XKR9: variants seen among roughly 807,000 people sequenced by gnomAD.
XKR9 encodes XK-related protein 9.
Under a neutral mutation model 32.0 loss-of-function variants are expected in XKR9, and 32 were observed. That is an observed-to-expected ratio of 1.00 (90% CI 0.76 to 1.34). The LOEUF is 1.34. Among genes scored for constraint, XKR9 ranks in the 40% most tolerant of loss-of-function variants. The probability of loss-of-function intolerance (pLI) is 0.00; values close to 1 mark genes in which losing one functional copy is unlikely to be tolerated. For missense variants in XKR9, 546 were observed against 429.7 expected (o/e 1.27, Z -2.39); for synonymous variants, 168 against 143.4 (o/e 1.17, Z -1.22).
At chr8:70,766,999 C>T (rs1286957772) in intron 2 of XKR9, among the ~76,000 whole-genome samples, 2 of 152,168 alleles carry the variant, frequency 1.3e-5, no homozygotes, top group Non-Finnish European at 2.9e-5. Context: ...TACAATTTGC[C>T]ACTATTTTAT....
the XKR9 span, among the ~76,000 whole-genome samples, chr8:70,807,346 C>G: frequency 6.6e-6 from 1 of 152,152 alleles, no homozygotes; most frequent in African/African-American, 2.4e-5. Flanking sequence ...TATGAAGAAA[C>G]TGCACCAACA....
chr8:70,729,318 A>T (rs1806583625), intron 4 of XKR9, among the ~76,000 whole-genome samples: 1 of 152,240 alleles, frequency 6.6e-6, no homozygotes, highest in African/African-American at 2.4e-5. Flanking sequence ...AAAGCTATAA[A>T]TATCTCAAAA....
At chr8:71,014,338 C>A in the XKR9 span, among the ~76,000 whole-genome samples, 1 of 152,196 alleles carries the variant, frequency 6.6e-6, no homozygotes, top group Non-Finnish European at 1.5e-5. Flanking sequence ...ACAGAGTGTT[C>A]TCTCACAGTT....
chr8:70,704,547 A>T (rs576736965), intron 3 of XKR9, among the ~76,000 whole-genome samples: 6 of 152,320 alleles, frequency 3.9e-5, no homozygotes, highest in Admixed American at 3.9e-4. Context: ...AAACCAAAGC[A>T]CAGAGAGATT....
the XKR9 span, among the ~76,000 whole-genome samples, chr8:70,937,202 G>C: frequency 6.6e-6 from 1 of 151,926 alleles, no homozygotes; most frequent in Admixed American, 6.6e-5. Context: ...GATAAAACCT[G>C]TTTTTAAGTT....
chr8:71,051,563 A>C, the XKR9 span, among the ~76,000 whole-genome samples: 2 of 151,826 alleles, frequency 1.3e-5, no homozygotes, highest in Admixed American at 1.3e-4. Flanking sequence ...GTAAGTGAGC[A>C]AAAGTTGAGC....
chr8:70,773,013 GTTTA>G lies in XKR9; in HGVS notation n.353-16320_353-16317del, dbSNP rs1168876176. ...AGGTCATGAAAATATTAAATTAAAA[GTTTA>G]TTTATACATGTAATGTAGATGTATA... On this transcript the variant is annotated intron_variant and non_coding_transcript_variant, in intron 2 of 3. Coordinates refer to the XKR9 transcript ENST00000520273. Among the ~76,000 whole-genome samples, 6 of 152,220 alleles carry G rather than the reference GTTTA, an allele frequency of 3.9e-5. No homozygotes were observed. In the East Asian group the frequency reaches 5.8e-4, roughly 15 times the overall value.
the XKR9 span, among the ~76,000 whole-genome samples, chr8:70,894,132 T>C: frequency 6.6e-6 from 1 of 151,982 alleles, no homozygotes; most frequent in Non-Finnish European, 1.5e-5. Flanking sequence ...TTCAGGAACC[T>C]GAGCCAATAG....
intron 2 of XKR9, among the ~76,000 whole-genome samples, chr8:70,754,868 C>A (rs1467946016): frequency 6.6e-6 from 1 of 152,072 alleles, no homozygotes; most frequent in Admixed American, 6.5e-5. Context: ...GACTTCCTGT[C>A]TAAAACACCA....
chr8:70,828,362 G>A, the XKR9 span, among the ~76,000 whole-genome samples: 2 of 152,328 alleles, frequency 1.3e-5, no homozygotes, highest in South Asian at 2.1e-4. Context: ...CCGTGGGCAT[G>A]GAGAATGGGA....
chr8:70,789,375 TG>T (rs1260136575), exon 3 of XKR9: 5 of 152,090 alleles, frequency 3.3e-5, no homozygotes, highest in African/African-American at 1.2e-4. Flanking sequence ...TATGCAAGGC[TG>T]GATTCAACTT....
chr8:71,052,459 A>C, the XKR9 span, among the ~76,000 whole-genome samples: 1 of 152,102 alleles, frequency 6.6e-6, no homozygotes, highest in Admixed American at 6.6e-5. Context: ...ATTACTCTTC[A>C]CAGCACCCCC....
chr8:70,669,830 C>G (rs532868355), intron 1 of XKR9, among the ~76,000 whole-genome samples: 1 of 152,042 alleles, frequency 6.6e-6, no homozygotes, highest in South Asian at 2.1e-4. Flanking sequence ...CCACGCCCGG[C>G]TAATTTTTTG....
chr8:70,826,683 T>C, the XKR9 span, among the ~76,000 whole-genome samples: 2 of 152,170 alleles, frequency 1.3e-5, no homozygotes, highest in African/African-American at 4.8e-5. Flanking sequence ...TGAGAAACTC[T>C]TCACTGTAAG....
chr8:71,012,489 G>A, the XKR9 span, among the ~76,000 whole-genome samples: 1 of 152,292 alleles, frequency 6.6e-6, no homozygotes, highest in East Asian at 1.9e-4. Flanking sequence ...TTCTAGCCAT[G>A]AGAAGCTGAG....
chr8:70,739,796 C>T (rs1349569576), downstream of XKR9, among the ~76,000 whole-genome samples: 6 of 152,122 alleles, frequency 3.9e-5, no homozygotes, highest in African/African-American at 1.2e-4. Flanking sequence ...AATATTGGCC[C>T]CCACTCTCTT....
chr8:70,948,655 A>G, the XKR9 span, among the ~76,000 whole-genome samples: 2 of 152,232 alleles, frequency 1.3e-5, no homozygotes, highest in African/African-American at 4.8e-5. Context: ...CTGCCGGTCA[A>G]TGAGATCTTT....
chr8:70,710,100 C>G (rs268650), intron 4 of XKR9, among the ~76,000 whole-genome samples: 13,144 of 152,150 alleles, frequency 0.086, 1,162 homozygotes, highest in Admixed American at 0.27. Context: ...GACATGTAGA[C>G]CAATGGAACA....
chr8:70,794,823 T>TTGTGTGTGTGTGTG (rs56167343), downstream of XKR9, among the ~76,000 whole-genome samples: 2,738 of 147,648 alleles, frequency 0.019, 67 homozygotes, highest in African/African-American at 0.061. Flanking sequence ...TAGTCTTCTT[T>TTGTGTGTGTGTGTG]TGTGTGTGTG....
Sources: gnomAD v4.1 joint callset for allele counts (sites outside exome capture counted in the v4.1 genomes callset) on GRCh38, gnomAD v4.1.1 for gene constraint, MANE v1.5 for transcripts, NCBI Gene and HGNC (gene_info 2026-07-23, HGNC 2026-07-21) for gene names.